OCA2: variants seen among roughly 807,000 people sequenced by gnomAD.
The protein encoded by OCA2 is OCA2 melanosomal transmembrane protein, also known as P protein.
A neutral mutation model predicts 100.2 loss-of-function variants in OCA2; 77 were observed. That is an observed-to-expected ratio of 0.77 (90% CI 0.64 to 0.93). The LOEUF (loss-of-function observed/expected upper bound fraction) is 0.93. Ranked by LOEUF, OCA2 falls within the 40% of genes least tolerant of loss-of-function variation. OCA2 has a pLI of 0.00. For missense variants in OCA2, 1,062 were observed against 1,089.1 expected, an observed-to-expected ratio of 0.98 and a Z score of 0.35; for synonymous variants, 432 against 439.2, an observed-to-expected ratio of 0.98 and a Z score of 0.21.
intron 2 of OCA2, 85 bp downstream of exon 2, chr15:28,081,563 C>T (rs1469603526): frequency 1.6e-5 from 22 of 1,374,690 alleles, no homozygotes; most frequent in Non-Finnish European, 2.2e-5. Context: ...AAATTTTTCC[C>T]ACAACAAACG....
intron 23 of OCA2, among the ~76,000 whole-genome samples, chr15:27,782,416 A>G (rs1220812366): frequency 6.6e-6 from 1 of 152,266 alleles, no homozygotes; most frequent in African/African-American, 2.4e-5. Context: ...AAGATGAGGG[A>G]AAACTCTATC....
intron 18 of OCA2, among the ~76,000 whole-genome samples, chr15:27,928,778 A>T (rs527776718): frequency 6.6e-6 from 1 of 152,116 alleles, no homozygotes; most frequent in African/African-American, 2.4e-5. Context: ...TTCTTCTGTC[A>T]CAGCTCTCTA....
chr15:27,938,596 G>T (rs1468409689), intron 18 of OCA2, among the ~76,000 whole-genome samples: 2 of 152,172 alleles, frequency 1.3e-5, no homozygotes, highest in Non-Finnish European at 2.9e-5. Context: ...GGGTTACTGT[G>T]CTTAGAGGCT....
At chr15:27,782,997 G>A (rs1566959818) in intron 23 of OCA2, among the ~76,000 whole-genome samples, 1 of 152,146 alleles carries the variant, frequency 6.6e-6, no homozygotes, top group Non-Finnish European at 1.5e-5. Context: ...CTGAAATAGG[G>A]CTATGGGTTT....
the OCA2 span, among the ~76,000 whole-genome samples, chr15:27,742,799 A>T: frequency 6.6e-6 from 1 of 152,164 alleles, no homozygotes; most frequent in South Asian, 2.1e-4. Flanking sequence ...TTAAGGGCTC[A>T]CCATACATAA....
rs544558108 is a variant in OCA2 at position 27,843,351 on chromosome 15, T to C, written c.2432+1608A>G. Reference sequence around the variant, plus strand: ...CACACTTGTCTCTGATCCCCTCTCTTGGCTGTGCTCTGGGTCTGACCCTCA... The same window carrying C: ...CACACTTGTCTCTGATCCCCTCTCTCGGCTGTGCTCTGGGTCTGACCCTCA... On this transcript the variant is annotated intron_variant, in intron 23 of 23. Transcript: ENST00000354638. 2.6e-3 allele frequency among the ~76,000 whole-genome samples: 399 copies of C among 152,278 alleles called. 2 individuals are homozygous for C. The highest frequency in any genetic ancestry group is 9.3e-3 in the African/African-American group (387 of 41,570).
intron 9 of OCA2, 40 bp from the exon 10 acceptor site, chr15:27,990,687 G>A (rs745934943): frequency 5.4e-5 from 84 of 1,569,076 alleles, no homozygotes; most frequent in South Asian, 6.6e-5. Context: ...TCCAGTGCAC[G>A]AGGGAGTTAG....
At chr15:27,988,264 G>A (rs556697264) in intron 11 of OCA2, among the ~76,000 whole-genome samples, 12 of 151,556 alleles carry the variant, frequency 7.9e-5, no homozygotes, top group East Asian at 7.8e-4. Flanking sequence ...GCCAGTGCTC[G>A]CTGAACTGAA....
At chr15:27,925,233 G>A (rs1402690467) in intron 19 of OCA2, among the ~76,000 whole-genome samples, 2 of 152,078 alleles carry the variant, frequency 1.3e-5, no homozygotes, top group Non-Finnish European at 2.9e-5. Flanking sequence ...CTGTTAACAA[G>A]CAAGACAAAT....
At position 27,976,705 on chromosome 15, in the gene OCA2, CT is replaced by C. The variant is rs2040978401; in HGVS notation, c.1503+6639del. 2.0e-5 allele frequency among the ~76,000 whole-genome samples: 3 copies of C among 152,052 alleles called. No individual in the cohort carries two copies. The South Asian group carries it at 6.2e-4, about 32-fold the overall frequency. Reference sequence around the variant, plus strand: ...ACAAGAAATATTTATCTATAGTTGCCTTTTCTCATACTGGTTTTGTCTAGTT... The same window carrying C: ...ACAAGAAATATTTATCTATAGTTGCCTTTCTCATACTGGTTTTGTCTAGTT... On this transcript the variant is annotated intron_variant, in intron 14 of 23. Transcript: ENST00000354638.
intron 9 of OCA2, among the ~76,000 whole-genome samples, chr15:27,993,475 C>G (rs549163746): frequency 6.6e-6 from 1 of 152,324 alleles, no homozygotes; most frequent in African/African-American, 2.4e-5. Context: ...GCACTACATA[C>G]CTCAAGGAGC....
chr15:27,846,169 G>C (rs915041331), intron 22 of OCA2, among the ~76,000 whole-genome samples: 7 of 152,082 alleles, frequency 4.6e-5, no homozygotes, highest in Non-Finnish European at 8.8e-5. Flanking sequence ...TGCTGGCCCA[G>C]ACAGCCCCCT....
At chr15:27,771,083 CCT>C (rs1491544349) in intron 23 of OCA2, among the ~76,000 whole-genome samples, 1 of 150,370 alleles carries the variant, frequency 6.7e-6, no homozygotes, top group African/African-American at 2.5e-5. Context: ...TTCCTCCCTC[CCT>C]CTTTTCTCCC....
chr15:28,028,153 G>T, intron 3 of OCA2, 94 bp from the exon 4 acceptor site: 2 of 1,390,608 alleles, frequency 1.4e-6, no homozygotes, highest in South Asian at 1.2e-5. Flanking sequence ...AAATGGCACC[G>T]AATCAACCCT....
intron 19 of OCA2, among the ~76,000 whole-genome samples, chr15:27,887,081 A>ATC (rs1362387956): frequency 1.3e-5 from 2 of 152,112 alleles, no homozygotes; most frequent in African/African-American, 2.4e-5. Flanking sequence ...CCTGCACAAG[A>ATC]TCTCTCTCTC....
At chr15:27,813,104 G>A (rs2034144388) in intron 23 of OCA2, among the ~76,000 whole-genome samples, 1 of 152,148 alleles carries the variant, frequency 6.6e-6, no homozygotes, top group African/African-American at 2.4e-5. Context: ...GTGCTTCTCT[G>A]GGCAGAGGAA....
chr15:27,854,385 G>C (rs958652335), intron 21 of OCA2, among the ~76,000 whole-genome samples: 2 of 152,216 alleles, frequency 1.3e-5, no homozygotes, highest in Non-Finnish European at 2.9e-5. Context: ...TCTGGTTCTC[G>C]AGAGTTGCCT....
At chr15:27,908,976 T>C (rs1009429131) in intron 19 of OCA2, among the ~76,000 whole-genome samples, 21 of 152,178 alleles carry the variant, frequency 1.4e-4, no homozygotes, top group Non-Finnish European at 3.1e-4. Flanking sequence ...ACCTGGCAAG[T>C]AGACCTTTCT....
intron 23 of OCA2, among the ~76,000 whole-genome samples, chr15:27,805,799 G>A (rs2151195203): frequency 6.6e-6 from 1 of 152,218 alleles, no homozygotes; most frequent in African/African-American, 2.4e-5. Context: ...TGGAGGCTTC[G>A]GGAGTGTCCA....
Sources: gnomAD v4.1 joint callset for allele counts (sites outside exome capture counted in the v4.1 genomes callset) on GRCh38, gnomAD v4.1.1 for gene constraint, MANE v1.5 for transcripts, NCBI Gene and HGNC (gene_info 2026-07-23, HGNC 2026-07-21) for gene names.